The following CPA6 variants were observed in gnomAD, a reference collection of about 807,000 sequenced individuals.
CPA6 encodes the protein carboxypeptidase A6, also known as carboxypeptidase B.
In CPA6, 58 loss-of-function variants were observed where a neutral mutation model predicts 63.3. That is an observed-to-expected ratio of 0.92 (90% CI 0.74 to 1.14). The LOEUF is 1.14. Among genes scored for constraint, CPA6 ranks in the 50% most tolerant of loss-of-function variants. The probability of loss-of-function intolerance (pLI) is 0.00; values close to 1 mark genes in which losing one functional copy is unlikely to be tolerated. For missense variants in CPA6, 565 were observed against 526.6 expected (o/e 1.07, Z -0.71); for synonymous variants, 185 against 179.0 (o/e 1.03, Z -0.27).
At chr8:67,475,881 CCTTTCTTTCTTTCTTTCTTTCTTTCTTT>C (rs763576613) in intron 8 of CPA6, among the ~76,000 whole-genome samples, 1 of 43,166 alleles carries the variant, frequency 2.3e-5, no homozygotes, top group African/African-American at 9.3e-5. Flanking sequence ...CTTTCTTTCT[CCTTTCTTTCTTTCTTTCTTTCTTTCTTT>C]CTTTCTTTCT....
intron 1 of CPA6, among the ~76,000 whole-genome samples, chr8:67,738,004 T>A (rs931312199): frequency 1.3e-5 from 2 of 151,958 alleles, no homozygotes; most frequent in African/African-American, 4.9e-5. Flanking sequence ...TCTATGACTT[T>A]AAAAAATGTC....
At chr8:67,543,820 G>A (rs975184570) in intron 2 of CPA6, among the ~76,000 whole-genome samples, 3 of 150,620 alleles carry the variant, frequency 2.0e-5, no homozygotes, top group African/African-American at 7.3e-5. Flanking sequence ...GTCTTGCTGT[G>A]TTGCCCAGGC....
chr8:67,679,967 C>G (rs1373797752), intron 1 of CPA6, among the ~76,000 whole-genome samples: 3 of 152,100 alleles, frequency 2.0e-5, no homozygotes, highest in Non-Finnish European at 4.4e-5. Flanking sequence ...TCATGGTAGC[C>G]ATGGAGGATG....
At chr8:67,690,517 T>C (rs898591280) in intron 1 of CPA6, among the ~76,000 whole-genome samples, 1 of 152,338 alleles carries the variant, frequency 6.6e-6, no homozygotes, top group East Asian at 1.9e-4. Context: ...TTCTAAGGTA[T>C]GTTATTTAAA....
chr8:67,534,357 G>A (rs953980826), intron 2 of CPA6, among the ~76,000 whole-genome samples: 5 of 152,150 alleles, frequency 3.3e-5, no homozygotes, highest in Admixed American at 2.6e-4. Flanking sequence ...AGGGATCAAG[G>A]TGGCAGGGCC....
intron 1 of CPA6, among the ~76,000 whole-genome samples, chr8:67,675,397 G>A (rs1361044903): frequency 6.6e-6 from 1 of 152,050 alleles, no homozygotes; most frequent in African/African-American, 2.4e-5. Flanking sequence ...ACCTGCTTGA[G>A]GTGGTTTTAC....
At chr8:67,575,323 A>G (rs2128977223) in intron 2 of CPA6, among the ~76,000 whole-genome samples, 1 of 152,336 alleles carries the variant, frequency 6.6e-6, no homozygotes, top group Non-Finnish European at 1.5e-5. Context: ...GGAAAACTGT[A>G]TGGTGCTTCC....
At chr8:67,563,455 C>G (rs1204450229) in intron 2 of CPA6, among the ~76,000 whole-genome samples, 2 of 152,118 alleles carry the variant, frequency 1.3e-5, no homozygotes. Flanking sequence ...TAAATATCAC[C>G]TTTTTTTCTA....
chr8:67,449,239 G>A (rs113931656), intron 8 of CPA6, among the ~76,000 whole-genome samples: 10,231 of 152,160 alleles, frequency 0.067, 784 homozygotes, highest in African/African-American at 0.19. Flanking sequence ...GTGACACAGC[G>A]AGACTGTCTC....
chr8:67,620,222 C>A (rs182580347), intron 2 of CPA6, among the ~76,000 whole-genome samples: 1 of 152,292 alleles, frequency 6.6e-6, no homozygotes, highest in African/African-American at 2.4e-5. Context: ...ACTTCTCCGA[C>A]CTCTTCTGTG....
chr8:67,637,830 A>G (rs1410089771), intron 1 of CPA6, among the ~76,000 whole-genome samples: 1 of 151,470 alleles, frequency 6.6e-6, no homozygotes, highest in Non-Finnish European at 1.5e-5. Context: ...GGCTCAGTAG[A>G]TTGATGGCCA....
In CPA6 at chr8:67,587,926, T is replaced by C. The variant is rs187941840; in HGVS notation, c.192+36250A>G. ...AGGTGTCCAGCTGTAATGCTGGCTG[T>C]TAATCGCATAGCTAGTGCCATTGGT... On this transcript the variant is annotated intron_variant, in intron 2 of 10. Transcript: ENST00000297770. 1.6e-3 allele frequency among the ~76,000 whole-genome samples: 250 copies of C among 152,324 alleles called. 2 individuals carry two copies. The highest frequency in any genetic ancestry group is 5.8e-3 in the African/African-American group (240 of 41,578).
chr8:67,447,358 TA>T (rs1277969964), intron 8 of CPA6, among the ~76,000 whole-genome samples: 1 of 152,002 alleles, frequency 6.6e-6, no homozygotes, highest in Non-Finnish European at 1.5e-5. Context: ...AATACTACAA[TA>T]AAGAAAGTGG....
intron 8 of CPA6, among the ~76,000 whole-genome samples, chr8:67,442,301 C>T (rs1810310981): frequency 6.6e-6 from 1 of 151,392 alleles, no homozygotes; most frequent in Non-Finnish European, 1.5e-5. Context: ...ATAAAGGTAA[C>T]AGAAAAAATC....
chr8:67,692,268 A>G (rs7834589), intron 1 of CPA6, among the ~76,000 whole-genome samples: 70,059 of 149,726 alleles, frequency 0.47, 19,395 homozygotes, highest in African/African-American at 0.79. Flanking sequence ...TCCAGGAAGC[A>G]GAGGTTGCGG....
chr8:67,506,834 C>A lies in CPA6; in HGVS notation c.589G>T (p.Ala197Ser). Residue 197 changes from alanine (A) to serine (S), a missense_variant, in exon 6 of 11, where the codon GCA (alanine) becomes TCA (serine). Transcript: ENST00000297770. ...AAGGCAGGACCAATCCATTCTCTTG[C>A]ATGAATACCACAGTCTATCCAAACA... ...RAVWIDCGIH[A>S]REWIGPAFCQ... 1 of 1,613,616 alleles carries A rather than the reference C, an allele frequency of 6.2e-7. No individual in the cohort carries two copies. The highest frequency in any genetic ancestry group is 8.5e-7 in the Non-Finnish European group (1 of 1,179,644).
intron 2 of CPA6, among the ~76,000 whole-genome samples, chr8:67,583,753 T>C (rs762890477): frequency 4.6e-5 from 7 of 152,122 alleles, no homozygotes; most frequent in Non-Finnish European, 1.0e-4. Context: ...AGGAAGAGGT[T>C]ATTTTTGTTC....
chr8:67,450,005 G>T (rs143284842), intron 8 of CPA6, among the ~76,000 whole-genome samples: 76 of 151,894 alleles, frequency 5.0e-4, no homozygotes, highest in African/African-American at 1.6e-3. Context: ...TAGTAGAGAC[G>T]GGGTTTTGCC....
intron 1 of CPA6, among the ~76,000 whole-genome samples, chr8:67,662,297 C>T (rs895821769): frequency 1.3e-5 from 2 of 152,076 alleles, no homozygotes; most frequent in African/African-American, 4.8e-5. Context: ...CAGTCCATCC[C>T]AATTCTGTCT....
Sources: gnomAD v4.1 joint callset for allele counts (sites outside exome capture counted in the v4.1 genomes callset) on GRCh38, gnomAD v4.1.1 for gene constraint, MANE v1.5 for transcripts, NCBI Gene and HGNC (gene_info 2026-07-23, HGNC 2026-07-21) for gene names.